DCC: variants seen among roughly 807,000 people sequenced by gnomAD.
DCC encodes DCC netrin 1 receptor.
DCC carries 58 observed loss-of-function variants against 172.5 expected under a neutral mutation model. The ratio of observed to expected loss-of-function variants is 0.34; its 90% CI spans 0.27 to 0.42. The LOEUF is 0.42. DCC is among the 10% of genes least tolerant of loss of function. DCC has a pLI of 1.00. For synonymous variants in DCC, 709 were observed against 644.5 expected, an observed-to-expected ratio of 1.10 and a Z score of -1.52; for missense variants, 1,740 against 1,791.0, an observed-to-expected ratio of 0.97 and a Z score of 0.51.
At chr18:52,450,647 A>G (rs1463374716) in intron 1 of DCC, among the ~76,000 whole-genome samples, 1 of 152,212 alleles carries the variant, frequency 6.6e-6, no homozygotes, top group African/African-American at 2.4e-5. Flanking sequence ...TATTTGGAGT[A>G]TAATACAAGC....
intron 21 of DCC, among the ~76,000 whole-genome samples, chr18:53,419,918 A>G (rs1031268693): frequency 1.3e-5 from 2 of 152,008 alleles, no homozygotes; most frequent in African/African-American, 4.8e-5. Flanking sequence ...CAATGGCACA[A>G]TCTTGGCTCA....
chr18:53,221,250 TC>T (rs1167572340), intron 12 of DCC, among the ~76,000 whole-genome samples: 1 of 152,134 alleles, frequency 6.6e-6, no homozygotes, highest in Non-Finnish European at 1.5e-5. Flanking sequence ...TGTACATCTA[TC>T]ACCAGCTTCC....
chr18:52,542,887 T>C (rs999582271), intron 1 of DCC, among the ~76,000 whole-genome samples: 1 of 151,728 alleles, frequency 6.6e-6, no homozygotes, highest in Non-Finnish European at 1.5e-5. Flanking sequence ...CATAGAAGGA[T>C]GAGTTGAAGA....
Position 53,532,173 on chromosome 18 carries a change from A to C in DCC, c.*1520A>C, listed in dbSNP as rs1315117322. 1 of 152,178 alleles carries C rather than the reference A, an allele frequency of 6.6e-6. No individual in the cohort carries two copies. Among genetic ancestry groups the C allele is most frequent in the African/African-American group, 2.4e-5 (1 of 41,452 alleles). 9.4% of individuals were successfully genotyped at this position (152,178 alleles called of 1,614,324 possible). A position where few individuals can be genotyped will look rare whatever the true frequency, so the allele number is the denominator to read the frequency against. ...AGCTCTGCCTTTGATTTCAAGCTTG[A>C]GTAGGTCATAATTTTAAAAGAGCAT... On this transcript the variant is annotated 3_prime_UTR_variant, in exon 29 of 29. Coordinates refer to ENST00000442544, the MANE Select transcript of DCC (RefSeq NM_005215.4).
At chr18:53,472,143 A>G (rs1280126119) in intron 25 of DCC, among the ~76,000 whole-genome samples, 2 of 152,188 alleles carry the variant, frequency 1.3e-5, no homozygotes, top group African/African-American at 4.8e-5. Flanking sequence ...AAAAACTTAC[A>G]TAGCATTTAT....
intron 7 of DCC, among the ~76,000 whole-genome samples, chr18:53,140,876 G>T (rs1015753893): frequency 6.6e-6 from 1 of 152,118 alleles, no homozygotes; most frequent in Non-Finnish European, 1.5e-5. Flanking sequence ...TCAATAAATT[G>T]TAGTATCCTT....
chr18:53,145,859 A>C (rs755811341), intron 7 of DCC, among the ~76,000 whole-genome samples: 5 of 152,174 alleles, frequency 3.3e-5, no homozygotes, highest in Non-Finnish European at 5.9e-5. Flanking sequence ...GATTTTAGGG[A>C]CTGATGTACC....
intron 9 of DCC, among the ~76,000 whole-genome samples, chr18:53,183,370 C>A (rs1391051877): frequency 6.6e-6 from 1 of 152,162 alleles, no homozygotes; most frequent in Non-Finnish European, 1.5e-5. Context: ...CCATTCTCCC[C>A]TGCCTTTATG....
intron 8 of DCC, among the ~76,000 whole-genome samples, chr18:53,170,657 A>G (rs1314813492): frequency 1.3e-5 from 2 of 152,236 alleles, no homozygotes; most frequent in Non-Finnish European, 2.9e-5. Context: ...AATCCATATT[A>G]AGTATCAGGT....
intron 2 of DCC, among the ~76,000 whole-genome samples, chr18:52,809,081 A>C (rs1056988772): frequency 1.3e-5 from 2 of 152,166 alleles, no homozygotes; most frequent in African/African-American, 4.8e-5. Flanking sequence ...ATTGTTGACC[A>C]ATTCCCTCAT....
intron 7 of DCC, among the ~76,000 whole-genome samples, chr18:53,093,992 G>T (rs955901762): frequency 6.6e-6 from 1 of 152,232 alleles, no homozygotes; most frequent in East Asian, 1.9e-4. Flanking sequence ...TTGGTAGTGA[G>T]ATTAAAGTGC....
chr18:53,262,567 C>T (rs1024908503), intron 12 of DCC, among the ~76,000 whole-genome samples: 13 of 152,294 alleles, frequency 8.5e-5, no homozygotes, highest in Admixed American at 7.2e-4. Context: ...GAGCATAGTT[C>T]CTCAGAAAGG....
chr18:52,516,620 C>G (rs1049379070), intron 1 of DCC, among the ~76,000 whole-genome samples: 2 of 152,252 alleles, frequency 1.3e-5, no homozygotes, highest in Middle Eastern at 3.4e-3. Flanking sequence ...GTGAAATAAA[C>G]CACGTTATAT....
intron 1 of DCC, among the ~76,000 whole-genome samples, chr18:52,431,527 G>C (rs1432302917): frequency 6.6e-6 from 1 of 151,918 alleles, no homozygotes; most frequent in Non-Finnish European, 1.5e-5. Context: ...GTTCTCAAAA[G>C]AAGAAGAAAA....
At chr18:52,427,617 A>G (rs1987472942) in intron 1 of DCC, among the ~76,000 whole-genome samples, 1 of 151,914 alleles carries the variant, frequency 6.6e-6, no homozygotes, top group African/African-American at 2.4e-5. Flanking sequence ...TCTTGTAAGG[A>G]AAGATGTTGG....
At position 52,844,680 on chromosome 18, in the gene DCC, C is replaced by A. The variant is rs145690618; in HGVS notation, c.413-61364C>A. On this transcript the variant is annotated intron_variant, in intron 2 of 28. Coordinates refer to ENST00000442544, the MANE Select transcript of DCC (RefSeq NM_005215.4). ...AAGAAGTGACACAAATACATATGAACTAGTACAAAGATAAAGAGATCTATG... is the reference window on the plus strand; with the variant it reads ...AAGAAGTGACACAAATACATATGAAATAGTACAAAGATAAAGAGATCTATG... 5.1e-3 allele frequency among the ~76,000 whole-genome samples: 776 copies of A among 151,898 alleles called. 2 individuals are homozygous for A. Among genetic ancestry groups the A allele is most frequent in the Non-Finnish European group, 8.2e-3 (556 of 67,990 alleles).
Position 52,687,265 on chromosome 18 carries a change from GCTAA to G in DCC, c.92-64786_92-64783del, listed in dbSNP as rs1374633207. The stretch of plus-strand genomic sequence containing the variant: ...TTTTTAAAGGCTAGGCTAGTCGTTA[GCTAA>G]CTTTTTCTTTTTCCTTTTTTTTTTT... On this transcript the variant is annotated intron_variant, in intron 1 of 28. Coordinates refer to ENST00000442544, the MANE Select transcript of DCC (RefSeq NM_005215.4). 5.4e-5 allele frequency among the ~76,000 whole-genome samples: 8 copies of G among 148,566 alleles called. No homozygotes were observed. In the East Asian group the frequency reaches 8.0e-4, roughly 15 times the overall value.
chr18:52,668,512 T>C (rs2035495720), intron 1 of DCC, among the ~76,000 whole-genome samples: 1 of 152,172 alleles, frequency 6.6e-6, no homozygotes, highest in Non-Finnish European at 1.5e-5. Flanking sequence ...AAGTGTCTGA[T>C]GTGCTAGTCT....
chr18:53,298,108 T>C (rs1218589147), intron 12 of DCC, among the ~76,000 whole-genome samples: 2 of 152,070 alleles, frequency 1.3e-5, no homozygotes, highest in African/African-American at 4.8e-5. Flanking sequence ...TAAAGAAAAA[T>C]TGTCAAAAAC....
Sources: allele counts gnomAD v4.1 joint callset (sites outside exome capture counted in the v4.1 genomes callset), GRCh38; gene constraint gnomAD v4.1.1; transcripts MANE v1.5; gene names NCBI Gene and HGNC (gene_info 2026-07-23, HGNC 2026-07-21).